DLG2: variants seen among roughly 807,000 people sequenced by gnomAD.
DLG2 encodes discs large MAGUK scaffold protein 2, also known as disks large homolog 2.
DLG2 carries 45 observed loss-of-function variants against 132.5 expected under a neutral mutation model. The ratio of observed to expected loss-of-function variants is 0.34; its 90% CI spans 0.27 to 0.44. DLG2 has a LOEUF of 0.44. Ranked by LOEUF, DLG2 falls within the 20% of genes least tolerant of loss-of-function variation. The pLI, the probability that DLG2 is intolerant of heterozygous loss-of-function variation, is 1.00. For synonymous variants in DLG2, 424 were observed against 419.6 expected, an observed-to-expected ratio of 1.01 and a Z score of -0.13; for missense variants, 1,045 against 1,196.9, an observed-to-expected ratio of 0.87 and a Z score of 1.87.
At position 83,467,842 on chromosome 11, in the gene DLG2, CATAT is replaced by C. The variant is rs72288955; in HGVS notation, c.2620-1029_2620-1026del. On this transcript the variant is annotated intron_variant, in intron 25 of 27. Coordinates refer to ENST00000376104, the MANE Select transcript of DLG2 (RefSeq NM_001142699.3). ...ACACATATAAAATATATAATTAAAACATATATATATATATATATATAAATTAAAT... is the reference window on the plus strand; with the variant it reads ...ACACATATAAAATATATAATTAAAACATATATATATATATATAAATTAAAT... Among the ~76,000 whole-genome samples, 130 of 117,672 alleles carry C rather than the reference CATAT, an allele frequency of 1.1e-3. 1 individual carries two copies. The highest frequency in any genetic ancestry group is 3.9e-3 in the East Asian group (15 of 3,848). 77.2% of individuals were successfully genotyped at this position (117,672 alleles called of 152,430 possible).
intron 6 of DLG2, among the ~76,000 whole-genome samples, chr11:84,761,720 G>T (rs2067652226): frequency 6.6e-6 from 1 of 152,128 alleles, no homozygotes; most frequent in Non-Finnish European, 1.5e-5. Context: ...ACTACAGACT[G>T]AAGGCTGCTA....
At chr11:83,807,358 C>T (rs904833897) in intron 17 of DLG2, among the ~76,000 whole-genome samples, 19 of 152,156 alleles carry the variant, frequency 1.2e-4, no homozygotes, top group Non-Finnish European at 2.6e-4. Context: ...CTAACCAATT[C>T]TCTCTTTCCA....
chr11:84,599,959 C>A (rs1312390301), intron 6 of DLG2, among the ~76,000 whole-genome samples: 3 of 149,916 alleles, frequency 2.0e-5, no homozygotes, highest in Admixed American at 1.3e-4. Context: ...CTGAGCCCTG[C>A]GAGGCTGAGG....
chr11:85,067,725 AAGG>A (rs1566779109), intron 6 of DLG2, among the ~76,000 whole-genome samples: 1 of 151,370 alleles, frequency 6.6e-6, no homozygotes, highest in African/African-American at 2.4e-5. Context: ...GAGCTGGTAC[AAGG>A]AGGAGGAGGA....
chr11:83,795,577 TG>T (rs1382251324), intron 17 of DLG2, among the ~76,000 whole-genome samples: 1 of 152,122 alleles, frequency 6.6e-6, no homozygotes, highest in Non-Finnish European at 1.5e-5. Context: ...GACTTCTAGT[TG>T]TGTTGCTGCT....
intron 6 of DLG2, among the ~76,000 whole-genome samples, chr11:84,637,799 G>A (rs1213791492): frequency 6.6e-6 from 1 of 152,176 alleles, no homozygotes; most frequent in African/African-American, 2.4e-5. Flanking sequence ...GGTTTACAGT[G>A]CGATGCAGTC....
intron 9 of DLG2, among the ~76,000 whole-genome samples, chr11:84,124,353 C>T (rs2094064624): frequency 6.6e-6 from 1 of 152,194 alleles, no homozygotes; most frequent in Admixed American, 6.5e-5. Flanking sequence ...GAGCAGACTC[C>T]CCTTACCTCA....
chr11:84,597,781 G>A (rs968106494), intron 6 of DLG2, among the ~76,000 whole-genome samples: 7 of 152,132 alleles, frequency 4.6e-5, no homozygotes, highest in Admixed American at 2.0e-4. Flanking sequence ...AGGACAAGAA[G>A]GCATCATTTG....
intron 6 of DLG2, among the ~76,000 whole-genome samples, chr11:84,970,831 T>G (rs919179936): frequency 6.6e-6 from 1 of 152,202 alleles, no homozygotes; most frequent in African/African-American, 2.4e-5. Flanking sequence ...AAATATTAAC[T>G]ATCAATGGTG....
At chr11:84,930,918 T>A (rs2048007131) in intron 6 of DLG2, among the ~76,000 whole-genome samples, 1 of 152,088 alleles carries the variant, frequency 6.6e-6, no homozygotes, top group African/African-American at 2.4e-5. Flanking sequence ...TCACTCTCCA[T>A]CCATTTCCTC....
chr11:83,599,416 C>G (rs772312725), intron 19 of DLG2, among the ~76,000 whole-genome samples: 2 of 152,000 alleles, frequency 1.3e-5, no homozygotes, highest in Admixed American at 6.5e-5. Context: ...AAAACTGTTA[C>G]GTCTGATTGG....
Position 84,403,652 on chromosome 11 carries a change from C to T in DLG2, c.519+130918G>A, listed in dbSNP as rs2154448361. Among the ~76,000 whole-genome samples the T allele has an allele frequency of 1.3e-5, 2 of 152,280 alleles. 1 individual carries two copies. The highest frequency in any genetic ancestry group is 4.1e-4 in the South Asian group (2 of 4,824). On this transcript the variant is annotated intron_variant, in intron 7 of 27. Coordinates refer to ENST00000376104, the MANE Select transcript of DLG2 (RefSeq NM_001142699.3). The stretch of plus-strand genomic sequence containing the variant: ...CCTTCAATGACGCCTACTAGCTTAC[C>T]CAATAAAATTCACATAGTTAAATGT...
chr11:85,461,897 T>G (rs1009291309), intron 3 of DLG2, among the ~76,000 whole-genome samples: 3 of 152,154 alleles, frequency 2.0e-5, no homozygotes, highest in Non-Finnish European at 2.9e-5. Flanking sequence ...TTTTGCAACC[T>G]GCTCATCTGA....
intron 6 of DLG2, among the ~76,000 whole-genome samples, chr11:85,003,103 A>T (rs1382511741): frequency 6.6e-6 from 1 of 152,044 alleles, no homozygotes; most frequent in African/African-American, 2.4e-5. Flanking sequence ...GGCATGGGGG[A>T]TTGGCATCCT....
At chr11:83,633,097 A>G in intron 19 of DLG2, 114 bp downstream of exon 19, 1 of 839,214 alleles carries the variant, frequency 1.2e-6, no homozygotes, top group Non-Finnish European at 2.0e-6. Flanking sequence ...TCAGTAGTGT[A>G]CTGATGAAAG....
intron 10 of DLG2, among the ~76,000 whole-genome samples, chr11:84,063,974 G>A (rs1407130123): frequency 6.7e-6 from 1 of 149,536 alleles, no homozygotes; most frequent in Admixed American, 6.7e-5. Context: ...GGGGTGGGGG[G>A]CTGGGGGAGG....
In DLG2 at chr11:83,884,460, G is replaced by A. The variant is rs1351453815; in HGVS notation, c.1497-9972C>T. ...AGCTGGGAAACTGGAACTGGGTAGAGCCCACCACAGCTCAAGGAGGCCTGC... is the reference window on the plus strand; with the variant it reads ...AGCTGGGAAACTGGAACTGGGTAGAACCCACCACAGCTCAAGGAGGCCTGC... On this transcript the variant is annotated intron_variant, in intron 15 of 27. Transcript: ENST00000376104. Among the ~76,000 whole-genome samples, 8 of 152,318 alleles carry A rather than the reference G, an allele frequency of 5.3e-5. No homozygotes were observed. In the East Asian group the frequency reaches 1.4e-3, roughly 26 times the overall value.
intron 7 of DLG2, among the ~76,000 whole-genome samples, chr11:84,479,685 G>T (rs749392360): frequency 6.6e-6 from 1 of 152,026 alleles, no homozygotes; most frequent in Non-Finnish European, 1.5e-5. Context: ...AGGAACATAT[G>T]TTAACCAAAG....
intron 6 of DLG2, among the ~76,000 whole-genome samples, chr11:84,573,297 A>G (rs1351915635): frequency 6.6e-6 from 1 of 152,312 alleles, no homozygotes; most frequent in South Asian, 2.1e-4. Context: ...AGCAAGTGAT[A>G]TCAATTTTCC....
Sources: allele counts gnomAD v4.1 joint callset (sites outside exome capture counted in the v4.1 genomes callset), GRCh38; gene constraint gnomAD v4.1.1; transcripts MANE v1.5; gene names NCBI Gene and HGNC (gene_info 2026-07-23, HGNC 2026-07-21).